Variants in REL observed in about 807,000 individuals in gnomAD.
The protein encoded by REL is proto-oncogene c-Rel.
A neutral mutation model predicts 45.9 loss-of-function variants in REL; 15 were observed. That is an observed-to-expected ratio of 0.33 (90% CI 0.22 to 0.50). The LOEUF is 0.50. REL is among the 20% of genes least tolerant of loss of function. The pLI is 0.98. For missense variants in REL, 601 were observed against 715.2 expected, an observed-to-expected ratio of 0.84 and a Z score of 1.82; for synonymous variants, 239 against 242.1, an observed-to-expected ratio of 0.99 and a Z score of 0.12.
At chr2:60,905,957 C>T (rs1459504552) in intron 4 of REL, among the ~76,000 whole-genome samples, 1 of 152,186 alleles carries the variant, frequency 6.6e-6, no homozygotes, top group East Asian at 1.9e-4. Context: ...CTGATAAAGA[C>T]ACACCTGAGA....
rs1553397346 is a variant in REL, at chr2:60,927,550, A to G, written c.*5015A>G. 8.7e-6 allele frequency: 2 copies of G among 229,550 alleles called. No individual in the cohort carries two copies. The highest frequency in any genetic ancestry group is 1.7e-5 in the Non-Finnish European group (2 of 115,758). The allele number at this position is 229,550 out of a possible 1,614,324, so 14.2% of individuals were successfully genotyped here. ...GCAGGTTTAATCTCAGGTCTCCCTC[A>G]TACACTTCTCAGCCTCAGCACCTAA... On this transcript the variant is annotated 3_prime_UTR_variant, in exon 10 of 10. Transcript: ENST00000394479.
intron 4 of REL, among the ~76,000 whole-genome samples, chr2:60,906,913 A>ATATATAT (rs1311506982): frequency 0.014 from 1,452 of 104,214 alleles, 29 homozygotes; most frequent in Middle Eastern, 0.056. Context: ...ATATATATAT[A>ATATATAT]TTTTTTTTTT....
rs545745403 is a variant in REL, at chr2:60,918,385, A to C, written c.641-9A>C. The C allele has an allele frequency of 6.4e-7, 1 of 1,571,208 alleles. No individual in the cohort carries two copies. The highest frequency in any genetic ancestry group is 2.3e-5 in the East Asian group (1 of 44,004). On this transcript the variant is annotated splice_polypyrimidine_tract_variant and intron_variant, in intron 6 of 9. Transcript: ENST00000394479. ...CCCATTTTTTTTTTTTTGGTTTCTT[A>C]TTGACTAGATGACATAGAAGTTCGT...
rs571450026 is a variant in REL, at chr2:60,922,622, T to C, written c.*87T>C. 8.5e-5 allele frequency: 120 copies of C among 1,415,226 alleles called. 1 individual carries two copies. In the East Asian group the frequency reaches 2.8e-3, roughly 33 times the overall value. The allele number at this position is 1,415,226 out of a possible 1,614,324, so 87.7% of individuals were successfully genotyped here. On this transcript the variant is annotated 3_prime_UTR_variant, in exon 10 of 10. Coordinates refer to ENST00000394479, the MANE Select transcript of REL (RefSeq NM_001291746.2). The stretch of plus-strand genomic sequence containing the variant: ...TTGTCTAACTGGGGATATAATACTA[T>C]ATTTATACTGTATATATAATACTGA...
chr2:60,901,382 G>A lies in REL; in HGVS notation c.394+299G>A, dbSNP rs547552089. Among the ~76,000 whole-genome samples, 13 of 151,920 alleles carry A rather than the reference G, an allele frequency of 8.6e-5. No individual in the cohort carries two copies. The East Asian group carries it at 2.1e-3, about 25-fold the overall frequency. ...TCACCATGTTAGCCAGGCTGGTCTC[G>A]AACTCCTGACATCAGGTGATCTACC... On this transcript the variant is annotated intron_variant, in intron 4 of 9. Transcript: ENST00000394479.
chr2:60,928,135 T>C lies in REL; in HGVS notation c.*5600T>C, dbSNP rs1391883034. 10 of 151,962 alleles carry C rather than the reference T, an allele frequency of 6.6e-5. No homozygotes were observed. The East Asian group carries it at 1.0e-3, about 16-fold the overall frequency. 9.4% of individuals were successfully genotyped at this position (151,962 alleles called of 1,614,324 possible). ...GAGTTCAAGACTAGCCTGGGTAATATAAGGAAAACCTGTCTCTGCAAAAAA... is the reference window on the plus strand; with the variant it reads ...GAGTTCAAGACTAGCCTGGGTAATACAAGGAAAACCTGTCTCTGCAAAAAA... On this transcript the variant is annotated 3_prime_UTR_variant, in exon 10 of 10. Coordinates refer to ENST00000394479, the MANE Select transcript of REL (RefSeq NM_001291746.2).
At chr2:60,905,548 A>G (rs1673624347) in intron 4 of REL, among the ~76,000 whole-genome samples, 1 of 152,226 alleles carries the variant, frequency 6.6e-6, no homozygotes, top group Non-Finnish European at 1.5e-5. Flanking sequence ...TACATTTTAA[A>G]AAATATTTTT....
chr2:60,893,631 C>T (rs955385569), intron 2 of REL, among the ~76,000 whole-genome samples: 1 of 152,114 alleles, frequency 6.6e-6, no homozygotes, highest in African/African-American at 2.4e-5. Context: ...AAATGTAATA[C>T]TTCTTGGTTA....
rs1056238056 is a variant in REL at position 60,924,860 on chromosome 2, AGTT to A, written c.*2329_*2331del. ...AGATTTAAAATTCTCAGTGTTTCCTAGTTGTTTCTGCATACTTTATGTGAGTTG... is the reference window on the plus strand; with the variant it reads ...AGATTTAAAATTCTCAGTGTTTCCTAGTTTCTGCATACTTTATGTGAGTTG... On this transcript the variant is annotated 3_prime_UTR_variant, in exon 10 of 10. Transcript: ENST00000394479. 2.2e-4 allele frequency: 47 copies of A among 212,678 alleles called. No individual in the cohort carries two copies. The highest frequency in any genetic ancestry group is 1.0e-3 in the African/African-American group (46 of 44,414). 13.2% of individuals were successfully genotyped at this position (212,678 alleles called of 1,614,324 possible).
intron 7 of REL, 95 bp downstream of exon 7, chr2:60,918,701 ATTCATAATTTATG>A (rs1674051390): frequency 1.2e-6 from 1 of 832,510 alleles, no homozygotes; most frequent in Non-Finnish European, 1.9e-6. Context: ...AGTTATGTAT[ATTCATAATTTATG>A]TTTCTTTTCC....
chr2:60,900,460 T>C lies in REL; in HGVS notation c.303-532T>C, dbSNP rs1452007223. 2.6e-5 allele frequency: 4 copies of C among 152,616 alleles called. 1 individual carries two copies. The highest frequency in any genetic ancestry group is 4.1e-4 in the South Asian group (2 of 4,840). 9.5% of individuals were successfully genotyped at this position (152,616 alleles called of 1,614,324 possible). On this transcript the variant is annotated intron_variant, in intron 3 of 9. Coordinates refer to ENST00000394479, the MANE Select transcript of REL (RefSeq NM_001291746.2). ...AGGCATATTAGTAATTGTAAAACAC[T>C]GTATGTTAAAATGATATAGTATATA...
chr2:60,894,241 T>C (rs1487949995), intron 2 of REL, among the ~76,000 whole-genome samples, 156 bp from the exon 3 acceptor site: 2 of 152,170 alleles, frequency 1.3e-5, no homozygotes, highest in Non-Finnish European at 2.9e-5. Context: ...TGGTATTCTC[T>C]GGAAAGTTTC....
chr2:60,928,047 A>C lies in REL; in HGVS notation c.*5512A>C. 1 of 192,728 alleles carries C rather than the reference A, an allele frequency of 5.2e-6. No individual in the cohort carries two copies. The highest frequency in any genetic ancestry group is 8.0e-5 in the East Asian group (1 of 12,434). 11.9% of individuals were successfully genotyped at this position (192,728 alleles called of 1,614,324 possible). On this transcript the variant is annotated 3_prime_UTR_variant, in exon 10 of 10. Coordinates refer to ENST00000394479, the MANE Select transcript of REL (RefSeq NM_001291746.2). ...ATGGAGCAGGGCACTGGCATGGTGG[A>C]TGGATCACGCCTGTAATCCCAGCAC... is the stretch of plus-strand genomic sequence containing the variant.
intron 4 of REL, among the ~76,000 whole-genome samples, chr2:60,902,718 C>T (rs1673531391): frequency 6.6e-6 from 1 of 151,634 alleles, no homozygotes; most frequent in South Asian, 2.1e-4. Flanking sequence ...CTCAGCCTCC[C>T]AAGTTGTTGG....
Position 60,927,841 on chromosome 2 carries a change from C to G in REL, c.*5306C>G. ...CCATGTTTAGGACATTTCCAGCACC[C>G]CTGAAATTTCCTTCATGCCCCTTCC... On this transcript the variant is annotated 3_prime_UTR_variant, in exon 10 of 10. Transcript: ENST00000394479. 4.4e-6 allele frequency: 1 copy of G among 227,114 alleles called. No individual in the cohort carries two copies. 14.1% of individuals were successfully genotyped at this position (227,114 alleles called of 1,614,324 possible). A position where few individuals can be genotyped will look rare whatever the true frequency, so the allele number is the denominator to read the frequency against.
rs763342298 is a variant in REL, at chr2:60,911,994, C to CAA, written c.395-4859_395-4858dup. ...GCCTGGGCAAAGAGCAAGACTGTCT[C>CAA]AAAAAAAAAAAAAAAAAAAAAAAAA... On this transcript the variant is annotated intron_variant, in intron 4 of 9. Coordinates refer to ENST00000394479, the MANE Select transcript of REL (RefSeq NM_001291746.2). Among the ~76,000 whole-genome samples, 350 of 35,440 alleles carry CAA rather than the reference C, an allele frequency of 9.9e-3. 1 individual carries two copies. The highest frequency in any genetic ancestry group is 0.043 in the Middle Eastern group (3 of 70). The allele number at this position is 35,440 out of a possible 152,430, so 23.3% of individuals were successfully genotyped here.
chr2:60,898,884 A>G (rs1673424889), intron 3 of REL: 1 of 152,236 alleles, frequency 6.6e-6, no homozygotes, highest in Admixed American at 6.5e-5. Context: ...TTTTTGGTAT[A>G]TAGTACGAAC....
chr2:60,908,568 G>C (rs1573333772), intron 4 of REL, among the ~76,000 whole-genome samples: 1 of 152,152 alleles, frequency 6.6e-6, no homozygotes, highest in Non-Finnish European at 1.5e-5. Flanking sequence ...AAGAGTGGCA[G>C]TTAGACTTTG....
chr2:60,918,674 A>G, intron 7 of REL, 68 bp downstream of exon 7: 2 of 1,077,740 alleles, frequency 1.9e-6, no homozygotes, highest in Non-Finnish European at 2.9e-6. Context: ...ATCTTCTTGT[A>G]ATATTCATTT....
Sources: allele counts gnomAD v4.1 joint callset (sites outside exome capture counted in the v4.1 genomes callset), GRCh38; gene constraint gnomAD v4.1.1; transcripts MANE v1.5; gene names NCBI Gene and HGNC (gene_info 2026-07-23, HGNC 2026-07-21).